The following PDGFRL variants were observed in gnomAD, a reference collection of about 807,000 sequenced individuals.
PDGFRL encodes platelet derived growth factor receptor like, also known as platelet-derived growth factor receptor-like protein.
In PDGFRL, 46 loss-of-function variants were observed where a neutral mutation model predicts 37.2. The observed-to-expected ratio is 1.24, with a 90% CI of 0.98 to 1.58. The LOEUF is 1.58. Ranked by LOEUF, PDGFRL falls within the 40% of genes most tolerant of loss-of-function variation. The pLI is 0.00. For missense variants in PDGFRL, 692 were observed against 467.6 expected, an observed-to-expected ratio of 1.48 and a Z score of -4.43; for synonymous variants, 251 against 184.3, an observed-to-expected ratio of 1.36 and a Z score of -2.93.
intron 2 of PDGFRL, among the ~76,000 whole-genome samples, chr8:17,604,399 G>C (rs926612404): frequency 6.6e-6 from 1 of 152,126 alleles, no homozygotes; most frequent in Non-Finnish European, 1.5e-5. Context: ...GGAATACTAT[G>C]CAGCCATGAA....
intron 5 of PDGFRL, among the ~76,000 whole-genome samples, chr8:17,640,110 T>C (rs1805060082): frequency 6.6e-6 from 1 of 152,258 alleles, no homozygotes; most frequent in African/African-American, 2.4e-5. Flanking sequence ...TCTAAGTGTG[T>C]TCTTCATTTC....
intron 2 of PDGFRL, among the ~76,000 whole-genome samples, chr8:17,590,886 T>A (rs928022618): frequency 1.1e-5 from 1 of 88,036 alleles, no homozygotes; most frequent in Non-Finnish European, 2.7e-5. Context: ...TTATTATTAT[T>A]AATTTTTTTT....
rs141036903 is a variant in PDGFRL, at chr8:17,611,567, C to T, written c.354-9484C>T. ...AGAGCGCTTCAGAGGGAAAGAGATG[C>T]GTGGAGGGCTCAGAGGTGAAAATGA... is the stretch of plus-strand genomic sequence containing the variant. On this transcript the variant is annotated intron_variant, in intron 2 of 5. Transcript: ENST00000251630. Among the ~76,000 whole-genome samples, 222 of 152,086 alleles carry T rather than the reference C, an allele frequency of 1.5e-3. No homozygotes were observed. The Middle Eastern group carries it at 0.02, about 14-fold the overall frequency.
At chr8:17,627,501 C>T (rs1347804590) in intron 3 of PDGFRL, among the ~76,000 whole-genome samples, 5 of 150,108 alleles carry the variant, frequency 3.3e-5, no homozygotes, top group African/African-American at 1.2e-4. Context: ...CAATCTTGCT[C>T]TGTTGCCCAG....
upstream of PDGFRL, chr8:17,577,052 G>A (rs1464314025): frequency 4.5e-6 from 3 of 667,314 alleles, no homozygotes; most frequent in East Asian, 5.9e-5. Flanking sequence ...CTCCGCCAGG[G>A]GGCAGGAGAA....
rs181168360 is a variant in PDGFRL at position 17,609,453 on chromosome 8, C to A, written c.354-11598C>A. 1.5e-4 allele frequency among the ~76,000 whole-genome samples: 23 copies of A among 149,698 alleles called. No homozygotes were observed. The East Asian group carries it at 3.5e-3, about 23-fold the overall frequency. The stretch of plus-strand genomic sequence containing the variant: ...TTGCACCACTGCACTCCGACCTGGG[C>A]GACAGAGCGAGACTCTGTCTGGAAA... On this transcript the variant is annotated intron_variant, in intron 2 of 5. Transcript: ENST00000251630.
intron 2 of PDGFRL, among the ~76,000 whole-genome samples, chr8:17,618,639 T>A (rs1189872306): frequency 1.3e-5 from 2 of 152,202 alleles, no homozygotes; most frequent in Non-Finnish European, 2.9e-5. Flanking sequence ...GAGACTCAGT[T>A]TTCCCCCTCT....
chr8:17,623,657 C>T (rs1345802900), intron 3 of PDGFRL, among the ~76,000 whole-genome samples: 6 of 152,084 alleles, frequency 3.9e-5, no homozygotes, highest in African/African-American at 1.2e-4. Flanking sequence ...GGCGGATCAC[C>T]TGAGGTCAGG....
chr8:17,591,262 C>T (rs1428375254), intron 2 of PDGFRL, among the ~76,000 whole-genome samples: 3 of 152,168 alleles, frequency 2.0e-5, no homozygotes, highest in Non-Finnish European at 4.4e-5. Flanking sequence ...CATGATTTCT[C>T]ATGTTTGAAT....
chr8:17,588,414 C>G (rs1160870729), intron 1 of PDGFRL, among the ~76,000 whole-genome samples: 1 of 152,020 alleles, frequency 6.6e-6, no homozygotes, highest in African/African-American at 2.4e-5. Flanking sequence ...GAGTGGCTCA[C>G]ACCTATAATT....
intron 1 of PDGFRL, among the ~76,000 whole-genome samples, chr8:17,583,822 T>G (rs1032195986): frequency 7.9e-5 from 12 of 152,198 alleles, no homozygotes; most frequent in Admixed American, 6.5e-5. Flanking sequence ...TCTCTCCATG[T>G]GATCTCTGCA....
intron 1 of PDGFRL, among the ~76,000 whole-genome samples, chr8:17,586,609 C>G (rs1414284421): frequency 6.6e-6 from 1 of 152,078 alleles, no homozygotes; most frequent in South Asian, 2.1e-4. Context: ...TTGTTTCCAC[C>G]ACAAGTTCAT....
upstream of PDGFRL, chr8:17,577,171 C>T (rs1803602107): frequency 6.4e-6 from 10 of 1,551,022 alleles, no homozygotes; most frequent in South Asian, 1.2e-5. Context: ...CCCAGGAGCC[C>T]GCCCCTCGCC....
At chr8:17,595,241 C>G (rs1475624936) in intron 2 of PDGFRL, among the ~76,000 whole-genome samples, 1 of 152,154 alleles carries the variant, frequency 6.6e-6, no homozygotes, top group African/African-American at 2.4e-5. Context: ...CAGAGGGAGC[C>G]TCCTTGCCCT....
At chr8:17,634,049 CT>C in intron 4 of PDGFRL, 24 bp from the exon 5 acceptor site, 1 of 1,612,588 alleles carries the variant, frequency 6.2e-7, no homozygotes, top group Non-Finnish European at 8.5e-7. Flanking sequence ...GGGTCTCACT[CT>C]GCCTGTTTCG....
chr8:17,631,336 G>A (rs2237843), intron 4 of PDGFRL, among the ~76,000 whole-genome samples: 93,733 of 151,904 alleles, frequency 0.62, 33,212 homozygotes, highest in Non-Finnish European at 0.8. Context: ...TGTGGGCAGA[G>A]TCCATCCCCT....
chr8:17,606,894 G>GTT (rs1198809504), intron 2 of PDGFRL, among the ~76,000 whole-genome samples: 37 of 123,676 alleles, frequency 3.0e-4, no homozygotes, highest in African/African-American at 1.1e-3. Context: ...TTGTTTTTTT[G>GTT]TTTTTTTTTT....
chr8:17,610,001 G>A (rs7002474), intron 2 of PDGFRL, among the ~76,000 whole-genome samples: 3,668 of 152,264 alleles, frequency 0.024, 122 homozygotes, highest in African/African-American at 0.071. Flanking sequence ...TCCCCGCAGT[G>A]AATTCACTGT....
At chr8:17,601,438 C>T (rs1367559535) in intron 2 of PDGFRL, among the ~76,000 whole-genome samples, 1 of 144,000 alleles carries the variant, frequency 6.9e-6, no homozygotes, top group Non-Finnish European at 1.5e-5. Flanking sequence ...TGATTGTTAA[C>T]TTATACCCCC....
Sources: allele counts gnomAD v4.1 joint callset (sites outside exome capture counted in the v4.1 genomes callset), GRCh38; gene constraint gnomAD v4.1.1; transcripts MANE v1.5; gene names NCBI Gene and HGNC (gene_info 2026-07-23, HGNC 2026-07-21).